EMCN: variants seen among roughly 807,000 people sequenced by gnomAD.
The protein encoded by EMCN is MUC-14.
EMCN carries 37 observed loss-of-function variants against 38.4 expected under a neutral mutation model. That is an observed-to-expected ratio of 0.96 (90% CI 0.74 to 1.27). EMCN has a LOEUF of 1.27. Among genes scored for constraint, EMCN ranks in the 50% most tolerant of loss-of-function variants. The pLI, the probability that EMCN is intolerant of heterozygous loss-of-function variation, is 0.00. For synonymous variants in EMCN, 95 were observed against 100.8 expected (o/e 0.94, Z 0.35); for missense variants, 318 against 302.8 (o/e 1.05, Z -0.37).
intron 11 of EMCN, among the ~76,000 whole-genome samples, chr4:100,409,588 G>A (rs7694728): frequency 0.046 from 7,039 of 152,246 alleles, 573 homozygotes; most frequent in African/African-American, 0.16. Flanking sequence ...AAGATACCTG[G>A]AGGGCTCTGT....
At chr4:100,446,001 A>G (rs762975438) in intron 5 of EMCN, 6 of 906,806 alleles carry the variant, frequency 6.6e-6, no homozygotes, top group Non-Finnish European at 7.9e-6. Context: ...AAATCAATTA[A>G]ACTTATAGCT....
intron 5 of EMCN, among the ~76,000 whole-genome samples, chr4:100,430,866 C>T (rs924949764): frequency 6.6e-6 from 1 of 152,072 alleles, no homozygotes; most frequent in Admixed American, 6.6e-5. Flanking sequence ...TCTAAACATC[C>T]TAAAATCCTA....
intron 4 of EMCN, among the ~76,000 whole-genome samples, chr4:100,455,844 G>A (rs1227796093): frequency 6.6e-6 from 1 of 152,004 alleles, no homozygotes; most frequent in Non-Finnish European, 1.5e-5. Flanking sequence ...ACCCAGGCTG[G>A]AGTGCAGTGG....
intron 2 of EMCN, among the ~76,000 whole-genome samples, chr4:100,478,480 A>G (rs1728719233): frequency 6.6e-6 from 1 of 152,184 alleles, no homozygotes; most frequent in Non-Finnish European, 1.5e-5. Context: ...TATTTAATGT[A>G]TAGAAGTAAA....
chr4:100,443,973 G>C (rs1199668816), intron 5 of EMCN, among the ~76,000 whole-genome samples: 1 of 152,226 alleles, frequency 6.6e-6, no homozygotes, highest in African/African-American at 2.4e-5. Context: ...CTATGTAGTG[G>C]TGACTCTGGA....
chr4:100,442,891 C>A (rs1727562691), intron 5 of EMCN, among the ~76,000 whole-genome samples: 1 of 152,098 alleles, frequency 6.6e-6, no homozygotes, highest in Non-Finnish European at 1.5e-5. Context: ...ACTCTGTCAC[C>A]CAGGCTAGAG....
intron 4 of EMCN, among the ~76,000 whole-genome samples, chr4:100,448,265 A>G (rs1390197639): frequency 6.6e-6 from 1 of 152,198 alleles, no homozygotes; most frequent in Non-Finnish European, 1.5e-5. Flanking sequence ...AAGATTTGGC[A>G]CATGAAAAAT....
chr4:100,447,493 A>G (rs1161472519), intron 5 of EMCN, 40 bp downstream of exon 5: 2 of 1,451,506 alleles, frequency 1.4e-6, no homozygotes, highest in South Asian at 1.2e-5. Flanking sequence ...GATTTTACCC[A>G]TGAAAATACT....
At chr4:100,475,721 AGGCTGGAGTGCAGT>A (rs890564165) in intron 2 of EMCN, among the ~76,000 whole-genome samples, 1 of 114,340 alleles carries the variant, frequency 8.7e-6, no homozygotes. Flanking sequence ...TCTGTCGCCC[AGGCTGGAGTGCAGT>A]GGCGCGATCT....
At chr4:100,402,024 G>A (rs184691838) in intron 11 of EMCN, among the ~76,000 whole-genome samples, 4 of 151,904 alleles carry the variant, frequency 2.6e-5, no homozygotes, top group African/African-American at 7.2e-5. Flanking sequence ...AAATTATTTC[G>A]AGAATTATTT....
Position 100,410,279 on chromosome 4 carries a change from T to TA in EMCN, c.*39+2dup, listed in dbSNP as rs773380171. The TA allele has an allele frequency of 5.0e-6, 8 of 1,590,054 alleles. No individual in the cohort carries two copies. Among genetic ancestry groups the TA allele is most frequent in the East Asian group, 4.5e-5 (2 of 44,700 alleles). On this transcript the variant is annotated splice_region_variant and intron_variant, in intron 11 of 11. Transcript: ENST00000296420. The stretch of plus-strand genomic sequence containing the variant: ...TCTCCGTGAATGAAATTGGGAAACT[T>TA]ACGTAATTATTGCCTAGGTGTGGAG...
At chr4:100,426,752 T>A (rs184560908) in intron 5 of EMCN, among the ~76,000 whole-genome samples, 8 of 152,290 alleles carry the variant, frequency 5.3e-5, no homozygotes, top group African/African-American at 1.7e-4. Context: ...TTTTCCATTT[T>A]TTTTGGGAAG....
intron 3 of EMCN, among the ~76,000 whole-genome samples, chr4:100,470,644 C>A (rs1728451761): frequency 2.6e-5 from 4 of 152,000 alleles, no homozygotes; most frequent in Non-Finnish European, 4.4e-5. Context: ...AATGACCCAT[C>A]AATGACAAAT....
At chr4:100,505,934 A>G (rs183507359) in intron 1 of EMCN, among the ~76,000 whole-genome samples, 18 of 152,292 alleles carry the variant, frequency 1.2e-4, no homozygotes, top group Admixed American at 7.8e-4. Flanking sequence ...TGTCCACAAA[A>G]CTGTCCATTT....
chr4:100,448,623 A>C (rs1441199314), intron 4 of EMCN, among the ~76,000 whole-genome samples: 2 of 152,160 alleles, frequency 1.3e-5, no homozygotes, highest in Non-Finnish European at 2.9e-5. Context: ...CTCTCCCCTG[A>C]GAACCTGCAA....
intron 2 of EMCN, among the ~76,000 whole-genome samples, chr4:100,479,230 A>T (rs72692128): frequency 1.0e-3 from 155 of 152,100 alleles, no homozygotes; most frequent in Non-Finnish European, 2.0e-3. Context: ...TGACCTTAGC[A>T]TTCTAACCAG....
intron 1 of EMCN, among the ~76,000 whole-genome samples, chr4:100,498,622 CA>C (rs1729271159): frequency 6.6e-6 from 1 of 152,074 alleles, no homozygotes; most frequent in Admixed American, 6.5e-5. Flanking sequence ...GCTGGGATTA[CA>C]GGCGCCCACC....
chr4:100,431,456 A>G (rs538468090), intron 5 of EMCN, among the ~76,000 whole-genome samples: 54 of 152,248 alleles, frequency 3.5e-4, no homozygotes, highest in Non-Finnish European at 6.2e-4. Flanking sequence ...TCGTCCAACC[A>G]GTTGAAACCC....
At chr4:100,456,155 G>T (rs1401346276) in intron 4 of EMCN, among the ~76,000 whole-genome samples, 3 of 152,020 alleles carry the variant, frequency 2.0e-5, no homozygotes, top group African/African-American at 7.2e-5. Flanking sequence ...GAAATTGTAT[G>T]TATCTTAGGC....
Sources: gnomAD v4.1 joint callset for allele counts (sites outside exome capture counted in the v4.1 genomes callset) on GRCh38, gnomAD v4.1.1 for gene constraint, MANE v1.5 for transcripts, NCBI Gene and HGNC (gene_info 2026-07-23, HGNC 2026-07-21) for gene names.